Variants in SLC35F1 observed in about 807,000 individuals in gnomAD.
SLC35F1 encodes chromosome 6 open reading frame 169.
A neutral mutation model predicts 48.7 loss-of-function variants in SLC35F1; 14 were observed. That is an observed-to-expected ratio of 0.29 (90% confidence interval 0.19 to 0.45). The LOEUF (loss-of-function observed/expected upper bound fraction) is 0.45. Ranked by LOEUF, SLC35F1 falls within the 20% of genes least tolerant of loss-of-function variation. The pLI is 1.00. For synonymous variants in SLC35F1, 190 were observed against 202.2 expected, an observed-to-expected ratio of 0.94 and a Z score of 0.51; for missense variants, 404 against 500.0, an observed-to-expected ratio of 0.81 and a Z score of 1.83.
At chr6:118,089,038 G>C (rs1182888605) in intron 1 of SLC35F1, among the ~76,000 whole-genome samples, 2 of 152,144 alleles carry the variant, frequency 1.3e-5, no homozygotes, top group African/African-American at 4.8e-5. Flanking sequence ...CATTTAAGAA[G>C]CTGTTGCAGA....
chr6:117,920,390 C>T lies in SLC35F1; in HGVS notation c.173+12491C>T, dbSNP rs557021477. On this transcript the variant is annotated intron_variant, in intron 1 of 7. Coordinates refer to ENST00000360388, the MANE Select transcript of SLC35F1 (RefSeq NM_001029858.4). ...TGCGAAATTAACCGTTTTTCCTCCACAACTGCCAGCTCGGCGAATGGCCTT... is the reference window on the plus strand; with the variant it reads ...TGCGAAATTAACCGTTTTTCCTCCATAACTGCCAGCTCGGCGAATGGCCTT... Among the ~76,000 whole-genome samples, 3 of 152,320 alleles carry T rather than the reference C, an allele frequency of 2.0e-5. No individual in the cohort carries two copies. The South Asian group carries it at 6.2e-4, about 32-fold the overall frequency.
chr6:118,149,962 A>G (rs907744737), intron 1 of SLC35F1, among the ~76,000 whole-genome samples: 3 of 152,194 alleles, frequency 2.0e-5, no homozygotes, highest in African/African-American at 7.2e-5. Flanking sequence ...CTTGCACTCA[A>G]TCAGGACACA....
chr6:118,235,936 G>A (rs1301282940), intron 3 of SLC35F1, among the ~76,000 whole-genome samples: 1 of 152,016 alleles, frequency 6.6e-6, no homozygotes, highest in African/African-American at 2.4e-5. Context: ...TATTGACAAT[G>A]TAAAAAAAAT....
chr6:118,182,517 AGAGAAGGAAGGAAGGAAG>A (rs1386141611), intron 2 of SLC35F1, among the ~76,000 whole-genome samples: 6 of 134,900 alleles, frequency 4.4e-5, no homozygotes, highest in African/African-American at 1.7e-4. Flanking sequence ...AGAGAGAGAG[AGAGAAGGAAGGAAGGAAG>A]GAAGGAAGGA....
intron 1 of SLC35F1, among the ~76,000 whole-genome samples, chr6:117,928,597 A>G (rs1186188437): frequency 1.3e-5 from 2 of 152,196 alleles, no homozygotes; most frequent in African/African-American, 4.8e-5. Context: ...ATTTCTAATC[A>G]TTAATTAGAT....
intron 1 of SLC35F1, among the ~76,000 whole-genome samples, chr6:118,038,152 C>T (rs923829294): frequency 6.6e-6 from 1 of 152,134 alleles, no homozygotes; most frequent in Non-Finnish European, 1.5e-5. Context: ...TATCTACATA[C>T]ATTAAAAGCC....
At chr6:118,017,564 ATGGCAACT>A (rs1777338911) in intron 1 of SLC35F1, among the ~76,000 whole-genome samples, 1 of 152,170 alleles carries the variant, frequency 6.6e-6, no homozygotes, top group Non-Finnish European at 1.5e-5. Flanking sequence ...CTTCTAAATA[ATGGCAACT>A]TGGCAACTGC....
intron 3 of SLC35F1, among the ~76,000 whole-genome samples, chr6:118,263,102 G>A (rs1775732585): frequency 6.6e-6 from 1 of 152,130 alleles, no homozygotes; most frequent in Non-Finnish European, 1.5e-5. Flanking sequence ...TGTTGCCCAG[G>A]ATGGAGTGCA....
At chr6:118,140,933 G>C (rs56388357) in intron 1 of SLC35F1, among the ~76,000 whole-genome samples, 1 of 152,024 alleles carries the variant, frequency 6.6e-6, no homozygotes, top group Non-Finnish European at 1.5e-5. Context: ...TATGTTTTGA[G>C]CTAAGTGTTA....
chr6:118,036,196 G>A (rs1257833276), intron 1 of SLC35F1, among the ~76,000 whole-genome samples: 3 of 151,866 alleles, frequency 2.0e-5, no homozygotes, highest in Non-Finnish European at 4.4e-5. Context: ...ACCGCTTTAG[G>A]TGTATCCCAC....
intron 1 of SLC35F1, among the ~76,000 whole-genome samples, chr6:117,974,384 AATG>A (rs1269958402): frequency 3.3e-5 from 5 of 152,212 alleles, no homozygotes; most frequent in African/African-American, 1.2e-4. Flanking sequence ...TGGATGAATG[AATG>A]ATATTTGAAA....
chr6:118,051,765 T>C (rs1269395001), intron 1 of SLC35F1, among the ~76,000 whole-genome samples: 1 of 152,196 alleles, frequency 6.6e-6, no homozygotes, highest in Admixed American at 6.5e-5. Flanking sequence ...TAACCATTAA[T>C]GAAGTAAGTT....
chr6:118,169,657 T>A (rs1363325985), intron 2 of SLC35F1, among the ~76,000 whole-genome samples: 2 of 152,156 alleles, frequency 1.3e-5, no homozygotes, highest in Non-Finnish European at 2.9e-5. Flanking sequence ...CTGTCTCTGA[T>A]ACCTGCCCAC....
intron 2 of SLC35F1, among the ~76,000 whole-genome samples, chr6:118,216,473 A>AG (rs1554237075): frequency 2.0e-5 from 3 of 151,418 alleles, no homozygotes; most frequent in Admixed American, 6.6e-5. Flanking sequence ...TTCAAAAAAA[A>AG]AAAAGAAAAG....
chr6:117,923,691 G>GTATATA (rs1562238793), intron 1 of SLC35F1, among the ~76,000 whole-genome samples: 3 of 7,430 alleles, frequency 4.0e-4, no homozygotes, highest in East Asian at 4.7e-3. Context: ...ATATACATAT[G>GTATATA]TACATATACA....
intron 1 of SLC35F1, among the ~76,000 whole-genome samples, chr6:118,009,692 G>A (rs964635384): frequency 3.9e-5 from 6 of 152,068 alleles, no homozygotes; most frequent in African/African-American, 1.2e-4. Context: ...TTTGTCTTGT[G>A]TTGCCATTTT....
intron 1 of SLC35F1, among the ~76,000 whole-genome samples, chr6:118,112,068 CTTTTTCTTTA>C (rs1562293376): frequency 0.012 from 1,717 of 147,022 alleles, 36 homozygotes; most frequent in African/African-American, 0.041. Flanking sequence ...TTCTTTCTTT[CTTTTTCTTTA>C]TTTCTTTCTT....
chr6:118,086,793 A>G (rs1772997406), intron 1 of SLC35F1, among the ~76,000 whole-genome samples: 3 of 151,848 alleles, frequency 2.0e-5, no homozygotes, highest in Middle Eastern at 3.4e-3. Flanking sequence ...TTCTCTCCTC[A>G]TTTTGTACTT....
At chr6:118,061,688 A>G (rs946552106) in intron 1 of SLC35F1, among the ~76,000 whole-genome samples, 9 of 151,768 alleles carry the variant, frequency 5.9e-5, no homozygotes, top group Non-Finnish European at 4.4e-5. Flanking sequence ...GCAGTCCCCA[A>G]CCTTTGTGGC....
Sources: allele counts gnomAD v4.1 joint callset (sites outside exome capture counted in the v4.1 genomes callset), GRCh38; gene constraint gnomAD v4.1.1; transcripts MANE v1.5; gene names NCBI Gene and HGNC (gene_info 2026-07-23, HGNC 2026-07-21).